Variants in DST observed in about 807,000 individuals in gnomAD.
DST encodes bullous pemphigoid antigen.
DST carries 253 observed loss-of-function variants against 875.2 expected under a neutral mutation model. The observed-to-expected ratio is 0.29, with a 90% confidence interval of 0.26 to 0.32. DST has a LOEUF of 0.32. DST is among the 10% of genes least tolerant of loss of function. The probability of loss-of-function intolerance (pLI) is 1.00; values close to 1 mark genes in which losing one functional copy is unlikely to be tolerated. For synonymous variants in DST, 3,124 were observed against 3,197.1 expected, an observed-to-expected ratio of 0.98 and a Z score of 0.77; for missense variants, 8,287 against 9,111.6, an observed-to-expected ratio of 0.91 and a Z score of 3.68.
chr6:56,517,471 C>G (rs1356921192), intron 70 of DST, 30 bp downstream of exon 70: 2 of 1,606,384 alleles, frequency 1.2e-6, no homozygotes, highest in African/African-American at 2.7e-5. Flanking sequence ...GCAAATAATT[C>G]ATATGGCAAT....
At position 56,651,202 on chromosome 6, in the gene DST, G is replaced by A. The variant is rs1364609411; in HGVS notation, c.1257C>T (p.Asn419=). The change falls in exon 11 of 104, where the codon AAC becomes AAT. Residue 419 remains asparagine (N), a synonymous_variant. Coordinates refer to ENST00000680361, the MANE Select transcript of DST (RefSeq NM_001374736.1). Reference sequence around the variant, plus strand: ...AAAAAGCATGCTCTAAATTTGCAAGGTTGCTTTGAACAGCAACAGTATTCA... The same window carrying A: ...AAAAAGCATGCTCTAAATTTGCAAGATTGCTTTGAACAGCAACAGTATTCA... ...IDMNTVAVQS[N]LANLEHAFYV... 3.5e-5 allele frequency: 57 copies of A among 1,611,384 alleles called. No individual in the cohort carries two copies. The highest frequency in any genetic ancestry group is 4.6e-5 in the Non-Finnish European group (54 of 1,178,810).
intron 89 of DST, 71 bp from the exon 90 acceptor site, chr6:56,482,249 T>G: frequency 1.3e-6 from 2 of 1,503,548 alleles, no homozygotes; most frequent in Non-Finnish European, 1.8e-6. Flanking sequence ...TTTACAAAAC[T>G]GTATAGTGGA....
intron 49 of DST, among the ~76,000 whole-genome samples, chr6:56,591,389 C>T (rs1051479779): frequency 1.3e-5 from 2 of 152,248 alleles, no homozygotes; most frequent in African/African-American, 4.8e-5. Context: ...TCCTTAGAAC[C>T]GCTGAATATG....
At chr6:56,830,618 A>T (rs2099785848) in intron 4 of DST, among the ~76,000 whole-genome samples, 1 of 152,224 alleles carries the variant, frequency 6.6e-6, no homozygotes, top group Non-Finnish European at 1.5e-5. Flanking sequence ...TTTAAGAGCC[A>T]CTTCAATTAA....
At chr6:56,618,690 GAGACACAA>G in intron 36 of DST, 1 of 1,613,734 alleles carries the variant, frequency 6.2e-7, no homozygotes, top group Non-Finnish European at 8.5e-7. Context: ...TCTTGTTGAA[GAGACACAA>G]AGTCAAGCCT....
chr6:56,547,521 T>C (rs980731737), intron 61 of DST, among the ~76,000 whole-genome samples: 6 of 152,198 alleles, frequency 3.9e-5, no homozygotes, highest in Non-Finnish European at 7.3e-5. Flanking sequence ...TATTAAGGAA[T>C]TTTCCCTAAC....
intron 2 of DST, 67 bp from the exon 3 acceptor site, chr6:56,900,688 C>T (rs1040343253): frequency 8.2e-7 from 1 of 1,220,702 alleles, no homozygotes; most frequent in Admixed American, 2.4e-5. Context: ...TTCTCCATGG[C>T]TAGTTATACA....
intron 90 of DST, among the ~76,000 whole-genome samples, chr6:56,481,414 C>T (rs769843694): frequency 1.3e-4 from 20 of 152,260 alleles, no homozygotes; most frequent in Non-Finnish European, 2.4e-4. Context: ...TCATGCATTG[C>T]CGCAGGAAAG....
At chr6:56,885,360 G>A (rs1475493857) in intron 3 of DST, among the ~76,000 whole-genome samples, 3 of 152,166 alleles carry the variant, frequency 2.0e-5, no homozygotes, top group Non-Finnish European at 2.9e-5. Context: ...TGGCTCATAT[G>A]ATAATGCTAT....
chr6:56,472,258 C>T (rs1474701512), intron 93 of DST, 36 bp from the exon 94 acceptor site: 5 of 1,602,202 alleles, frequency 3.1e-6, no homozygotes, highest in Middle Eastern at 1.7e-4. Context: ...ATGGCAGTTT[C>T]CAGGGTGCTG....
intron 62 of DST, 81 bp from the exon 63 acceptor site, chr6:56,535,373 C>T (rs1037559310): frequency 1.4e-6 from 2 of 1,420,080 alleles, no homozygotes; most frequent in African/African-American, 3.0e-5. Flanking sequence ...ATTTTACATG[C>T]TTATTTTCCC....
At position 56,592,243 on chromosome 6, in the gene DST, T is replaced by C; in HGVS notation, c.12842A>G (p.His4281Arg). The change falls in exon 49 of 104, where the codon CAC (histidine) becomes CGC (arginine). Residue 4281 changes from histidine (H) to arginine (R), a missense_variant. By Grantham distance (29) the His-to-Arg change is conservative. Transcript: ENST00000680361. Reference sequence around the variant, plus strand: ...GTCCACCGCAATAGGTTCAGATAAGTGTTTGCTCGCTGTGGCCTCACAGGC... The same window carrying C: ...GTCCACCGCAATAGGTTCAGATAAGCGTTTGCTCGCTGTGGCCTCACAGGC... ...LQACEATASK[H>R]LSEPIAVDPK... 6.2e-7 allele frequency: 1 copy of C among 1,613,526 alleles called. No individual in the cohort carries two copies. Among genetic ancestry groups the C allele is most frequent in the Non-Finnish European group, 8.5e-7 (1 of 1,179,718 alleles).
At chr6:56,481,172 C>T (rs1209389122) in intron 90 of DST, among the ~76,000 whole-genome samples, 1 of 152,146 alleles carries the variant, frequency 6.6e-6, no homozygotes, top group Non-Finnish European at 1.5e-5. Flanking sequence ...TAACAAGTCT[C>T]CACACATGAT....
At chr6:56,819,025 A>G (rs2099769941) in intron 4 of DST, among the ~76,000 whole-genome samples, 1 of 152,148 alleles carries the variant, frequency 6.6e-6, no homozygotes, top group Non-Finnish European at 1.5e-5. Context: ...TTCAGAAAAA[A>G]AATACTACAG....
rs755796578 is a variant in DST, at chr6:56,501,064, A to G, written c.19896+16T>C. The stretch of plus-strand genomic sequence containing the variant: ...TGGACAGAGAAGAAACATAACATGC[A>G]TTAACAGCTACGTACATGATGCTTG... On this transcript the variant is annotated intron_variant, in intron 80 of 103. Transcript: ENST00000680361. 1.9e-6 allele frequency: 3 copies of G among 1,610,016 alleles called. No individual in the cohort carries two copies. Among genetic ancestry groups the G allele is most frequent in the African/African-American group, 1.3e-5 (1 of 74,676 alleles).
In DST at chr6:56,921,906, GA is replaced by G. The variant is rs1004036801; in HGVS notation, c.217-21286del. 1.2e-3 allele frequency among the ~76,000 whole-genome samples: 181 copies of G among 152,206 alleles called. 1 individual carries two copies. The highest frequency in any genetic ancestry group is 1.2e-4 in the Non-Finnish European group (8 of 67,986). On this transcript the variant is annotated intron_variant, in intron 2 of 103. Transcript: ENST00000680361. ...AGAGGATAGGAGAAAGATCTAACAT[GA>G]AAAAAGGTTCTAGGCACAAAGACTT...
chr6:56,639,517 T>A lies in DST; in HGVS notation c.2792A>T (p.Glu931Val). 6.2e-7 allele frequency: 1 copy of A among 1,613,924 alleles called. No individual in the cohort carries two copies. Among genetic ancestry groups the A allele is most frequent in the Non-Finnish European group, 8.5e-7 (1 of 1,179,902 alleles). ...NELIWLNEKEEEEVAYDWSER... is the reference protein window; with the variant it reads ...NELIWLNEKEVEEVAYDWSER... ...ACTCCAGTCATAAGCAACTTCCTCCTCTTCTTTTTCATTCAACCAAATAAG... is the reference window on the plus strand; with the variant it reads ...ACTCCAGTCATAAGCAACTTCCTCCACTTCTTTTTCATTCAACCAAATAAG... The change falls in exon 21 of 104, where the codon GAG becomes GTG. Residue 931 changes from glutamate (E) to valine (V), a missense_variant. Physicochemically the swap from Glu to Val is moderately radical, Grantham distance 121. Transcript: ENST00000680361.
chr6:56,743,470 A>T (rs2099555326), intron 4 of DST, among the ~76,000 whole-genome samples: 1 of 152,202 alleles, frequency 6.6e-6, no homozygotes. Flanking sequence ...CTGCTTAGTA[A>T]ATAGCCCTTC....
chr6:56,485,492 AT>A (rs1260235842), intron 87 of DST, 21 bp from the exon 88 acceptor site: 1 of 1,607,248 alleles, frequency 6.2e-7, no homozygotes, highest in African/African-American at 1.3e-5. Context: ...AGGTAGAAAA[AT>A]TGATCCTTGC....
Sources: allele counts gnomAD v4.1 joint callset (sites outside exome capture counted in the v4.1 genomes callset), GRCh38; gene constraint gnomAD v4.1.1; transcripts MANE v1.5; gene names NCBI Gene and HGNC (gene_info 2026-07-23, HGNC 2026-07-21).